The following PPP4C variants were observed in gnomAD, a reference collection of about 807,000 sequenced individuals.
PPP4C encodes the protein serine/threonine-protein phosphatase 4 catalytic subunit.
A neutral mutation model predicts 40.5 loss-of-function variants in PPP4C; 10 were observed. That is an observed-to-expected ratio of 0.25 (90% CI 0.15 to 0.42). The LOEUF is 0.42. Ranked by LOEUF, PPP4C falls within the 10% of genes least tolerant of loss-of-function variation. The pLI is 1.00. For synonymous variants in PPP4C, 187 were observed against 163.6 expected (o/e 1.14, Z -1.09); for missense variants, 191 against 416.4 (o/e 0.46, Z 4.71).
At chr16:30,076,136 G>C in intron 1 of PPP4C, 42 bp downstream of exon 1, 1 of 569,774 alleles carries the variant, frequency 1.8e-6, no homozygotes, top group South Asian at 2.1e-5. Context: ...CCTTAGCGCG[G>C]GACCGCGGGG....
Position 30,083,456 on chromosome 16 carries a change from GGTC to G in PPP4C, c.367_369del (p.Val123del). The G allele has an allele frequency of 6.2e-7, 1 of 1,614,184 alleles. No homozygotes were observed. Among genetic ancestry groups the G allele is most frequent in the Non-Finnish European group, 8.5e-7 (1 of 1,180,042 alleles). ...ACCATGAGAGTCGCCAGATCACGCA[GGTC>G]TATGGCTTCTACGATGAGTGCCTGC... is the stretch of plus-strand genomic sequence containing the variant. On this transcript the variant is annotated inframe_deletion, in exon 6 of 9. Transcript: ENST00000279387. This position sits in a 1 kb window ranked among gnomAD's most constrained non-coding sequence, Gnocchi z 6.3.
Position 30,085,221 on chromosome 16 carries a change from G to C in PPP4C, c.*159G>C. The C allele has an allele frequency of 1.3e-6, 1 of 774,590 alleles. No homozygotes were observed. The highest frequency in any genetic ancestry group is 1.9e-5 in the South Asian group (1 of 52,560). The allele number at this position is 774,590 out of a possible 1,614,324, so 48.0% of individuals were successfully genotyped here. A position where few individuals can be genotyped will look rare whatever the true frequency, so the allele number is the denominator to read the frequency against. On this transcript the variant is annotated 3_prime_UTR_variant, in exon 9 of 9. Coordinates refer to ENST00000279387, the MANE Select transcript of PPP4C (RefSeq NM_002720.3). ...GTGAGGACTTCTCTGGAGAGGCCTG[G>C]AGACCTAGCTCCATGTTCCTCCTCC... is the stretch of plus-strand genomic sequence containing the variant.
At chr16:30,079,133 C>T (rs1376901795) in intron 2 of PPP4C, among the ~76,000 whole-genome samples, 1 of 151,850 alleles carries the variant, frequency 6.6e-6, no homozygotes, top group Non-Finnish European at 1.5e-5. Context: ...TTTAGCCACT[C>T]TCCAGCTTGG....
intron 4 of PPP4C, 75 bp from the exon 5 acceptor site, chr16:30,082,671 G>T: frequency 6.5e-7 from 1 of 1,534,272 alleles, no homozygotes; most frequent in Non-Finnish European, 9.0e-7. Context: ...GTGGAAGAAG[G>T]GCCTCCGCTG....
In PPP4C at chr16:30,085,145, C is replaced by CG. The variant is rs2072596950; in HGVS notation, c.*84dup. ...CCATCTTCCTCAGACGGAGGCTGGG[C>CG]GTGGGGGGGGCTGTCCTGGCTCTGC... On this transcript the variant is annotated 3_prime_UTR_variant, in exon 9 of 9. Transcript: ENST00000279387. 2.7e-6 allele frequency: 4 copies of CG among 1,476,226 alleles called. No homozygotes were observed. The highest frequency in any genetic ancestry group is 3.7e-6 in the Non-Finnish European group (4 of 1,094,760). 91.4% of individuals were successfully genotyped at this position (1,476,226 alleles called of 1,614,324 possible). A position where few individuals can be genotyped will look rare whatever the true frequency, so the allele number is the denominator to read the frequency against.
chr16:30,083,028 A>G lies in PPP4C; in HGVS notation c.303+181A>G. ...TGATGGGGGTTGAGGCCAGCGGGGC[A>G]GCATTCTGGGAGGGGCAGAGGCTCA... is the stretch of plus-strand genomic sequence containing the variant. On this transcript the variant is annotated intron_variant, in intron 5 of 8. Transcript: ENST00000279387. This position sits in a 1 kb window ranked among gnomAD's most constrained non-coding sequence, Gnocchi z 6.3. The G allele has an allele frequency of 1.6e-6, 1 of 615,266 alleles. No individual in the cohort carries two copies. Among genetic ancestry groups the G allele is most frequent in the Admixed American group, 3.0e-5 (1 of 33,196 alleles). 38.1% of individuals were successfully genotyped at this position (615,266 alleles called of 1,614,324 possible).
Position 30,083,503 on chromosome 16 carries a change from CTG to C in PPP4C, c.418_419del (p.Trp140AlafsTer5), listed in dbSNP as rs2072549585. 3 of 1,613,976 alleles carry C rather than the reference CTG, an allele frequency of 1.9e-6. No homozygotes were observed. In the African/African-American group the frequency reaches 4.0e-5, roughly 22 times the overall value. The stretch of plus-strand genomic sequence containing the variant: ...TGCCTGCGCAAGTACGGCTCGGTGA[CTG>C]TGTGGCGCTACTGCACTGAGATCTT... On this transcript the variant is annotated frameshift_variant, in exon 6 of 9. Transcript: ENST00000279387. LOFTEE classifies it high-confidence loss of function. This position sits in a 1 kb window ranked among gnomAD's most constrained non-coding sequence, Gnocchi z 6.3.
intron 2 of PPP4C, 67 bp from the exon 3 acceptor site, chr16:30,081,192 C>G (rs1346088771): frequency 1.9e-6 from 3 of 1,608,700 alleles, no homozygotes; most frequent in Admixed American, 3.3e-5. Context: ...CCCCTCCCCC[C>G]AAAAAAGGTC....
At position 30,083,857 on chromosome 16, in the gene PPP4C, A is replaced by G. The variant is rs1210003847; in HGVS notation, c.604+76A>G. 2 of 1,579,356 alleles carry G rather than the reference A, an allele frequency of 1.3e-6. No homozygotes were observed. Among genetic ancestry groups the G allele is most frequent in the African/African-American group, 2.7e-5 (2 of 74,504 alleles). On this transcript the variant is annotated intron_variant, in intron 7 of 8. Transcript: ENST00000279387. The surrounding 1 kb of genome is among the most constrained non-coding windows in gnomAD (Gnocchi z 6.3). ...AAGAGAGGGAGCAGGGCTGGTCTTC[A>G]CTGTCACTCGTCCTCCACCTGCCAA...
chr16:30,081,148 G>A, intron 2 of PPP4C, 111 bp from the exon 3 acceptor site: 1 of 1,480,456 alleles, frequency 6.8e-7, no homozygotes. Flanking sequence ...CTTCACTCCT[G>A]CCCCCTGGAG....
At chr16:30,079,532 C>T (rs936371228) in intron 2 of PPP4C, among the ~76,000 whole-genome samples, 2 of 152,132 alleles carry the variant, frequency 1.3e-5, no homozygotes, top group African/African-American at 4.8e-5. Flanking sequence ...AGAGAACCTC[C>T]CCAGTCTGTT....
chr16:30,082,365 C>A, intron 3 of PPP4C, 119 bp from the exon 4 acceptor site: 1 of 1,096,920 alleles, frequency 9.1e-7, no homozygotes, highest in Non-Finnish European at 1.4e-6. Flanking sequence ...GAATTTTGGT[C>A]CTAGGAAGTA....
chr16:30,079,906 G>C (rs1302627132), intron 2 of PPP4C, among the ~76,000 whole-genome samples: 1 of 152,144 alleles, frequency 6.6e-6, no homozygotes, highest in Non-Finnish European at 1.5e-5. Flanking sequence ...CTCCTTCCCT[G>C]CTTCAATTTC....
intron 2 of PPP4C, 150 bp downstream of exon 2, chr16:30,076,625 T>C (rs2072404851): frequency 2.7e-6 from 2 of 740,108 alleles, no homozygotes; most frequent in Middle Eastern, 2.4e-4. Flanking sequence ...GAGGAAAAGC[T>C]AGCCTGCTCG....
At chr16:30,077,962 A>G (rs1347358267) in intron 2 of PPP4C, among the ~76,000 whole-genome samples, 1 of 152,126 alleles carries the variant, frequency 6.6e-6, no homozygotes. Flanking sequence ...CTTTTTCGCC[A>G]CCTGTCTGTG....
intron 2 of PPP4C, among the ~76,000 whole-genome samples, chr16:30,076,698 G>A (rs1235571397): frequency 2.6e-5 from 4 of 152,208 alleles, no homozygotes; most frequent in Non-Finnish European, 1.5e-5. Flanking sequence ...AGTGGAGTAA[G>A]AGTGTTACAT....
intron 2 of PPP4C, 72 bp from the exon 3 acceptor site, chr16:30,081,186 TC>T: frequency 6.2e-7 from 1 of 1,603,896 alleles, no homozygotes. Flanking sequence ...TATCCTCCCC[TC>T]CCCCCAAAAA....
intron 1 of PPP4C, 88 bp from the exon 2 acceptor site, chr16:30,076,227 G>C (rs559144960): frequency 6.6e-6 from 5 of 754,788 alleles, no homozygotes; most frequent in Non-Finnish European, 1.1e-5. Context: ...AGGCGGGGGT[G>C]GGGGAGCCGG....
In PPP4C at chr16:30,076,045, G is replaced by A. The variant is rs1239842331; in HGVS notation, c.-113G>A. 4.7e-6 allele frequency: 2 copies of A among 426,736 alleles called. No homozygotes were observed. Among genetic ancestry groups the A allele is most frequent in the African/African-American group, 2.1e-5 (1 of 47,062 alleles). 26.4% of individuals were successfully genotyped at this position (426,736 alleles called of 1,614,324 possible). ...CGGCGGCGGCGGTCGAAAGCGGAGT[G>A]AAAGAGGGAGGCAGGGAGCCGGAGA... On this transcript the variant is annotated 5_prime_UTR_variant, in exon 1 of 9. Transcript: ENST00000279387.
Sources: gnomAD v4.1 joint callset for allele counts (sites outside exome capture counted in the v4.1 genomes callset) on GRCh38, gnomAD v4.1.1 for gene constraint, Gnocchi (gnomAD v3.1) non-coding constraint, MANE v1.5 for transcripts, NCBI Gene and HGNC (gene_info 2026-07-23, HGNC 2026-07-21) for gene names.